The following COQ8B variants were observed in gnomAD, a reference collection of about 807,000 sequenced individuals.
The protein encoded by COQ8B is coenzyme Q8B.
Under a neutral mutation model 62.0 loss-of-function variants are expected in COQ8B, and 44 were observed. That is an observed-to-expected ratio of 0.71 (90% CI 0.56 to 0.91). The LOEUF is 0.91. Among genes scored for constraint, COQ8B ranks in the 40% least tolerant of loss-of-function variants. The pLI is 0.00. For synonymous variants in COQ8B, 252 were observed against 289.9 expected, an observed-to-expected ratio of 0.87 and a Z score of 1.33; for missense variants, 649 against 731.6, an observed-to-expected ratio of 0.89 and a Z score of 1.30.
chr19:40,704,290 T>C (rs2144700637), intron 7 of COQ8B: 1 of 160,664 alleles, frequency 6.2e-6, no homozygotes, highest in South Asian at 1.7e-4. Context: ...ACTACAGATA[T>C]GTGCCACTGT....
rs58313890 is a variant in COQ8B at position 40,697,875 on chromosome 19, G to GAGAGAGAGAGAGAGAGAGAGAGAGAGAC, written c.1144-1822_1144-1821insGTCTCTCTCTCTCTCTCTCTCTCTCTCT. ...ATAGAGAGAGAGAGAGAGAGAGAGA[G>GAGAGAGAGAGAGAGAGAGAGAGAGAGAC]AGTTTCTACTGGGCGTTCATGCAAA... On this transcript the variant is annotated intron_variant, in intron 12 of 14. Coordinates refer to ENST00000324464, the MANE Select transcript of COQ8B (RefSeq NM_024876.4). Among the ~76,000 whole-genome samples the GAGAGAGAGAGAGAGAGAGAGAGAGAGAC allele has an allele frequency of 1.9e-3, 197 of 103,238 alleles. 9 individuals carry two copies. Among genetic ancestry groups the GAGAGAGAGAGAGAGAGAGAGAGAGAGAC allele is most frequent in the African/African-American group, 2.8e-3 (66 of 23,592 alleles). 67.7% of individuals were successfully genotyped at this position (103,238 alleles called of 152,430 possible). A position where few individuals can be genotyped will look rare whatever the true frequency, so the allele number is the denominator to read the frequency against.
intron 4 of COQ8B, among the ~76,000 whole-genome samples, chr19:40,713,728 A>C (rs2144718724): frequency 6.8e-6 from 1 of 146,856 alleles, no homozygotes; most frequent in South Asian, 2.1e-4. Context: ...AGGAAAAAAA[A>C]AAAAAAATTA....
intron 1 of COQ8B, chr19:40,714,874 G>A (rs1291074811): frequency 1.6e-5 from 21 of 1,301,416 alleles, no homozygotes; most frequent in African/African-American, 3.1e-5. Flanking sequence ...GCTAGGGTCC[G>A]CCCCCGTTAC....
chr19:40,702,782 G>A (rs28703815), intron 9 of COQ8B, 89 bp from the exon 10 acceptor site: 11 of 1,232,940 alleles, frequency 8.9e-6, no homozygotes, highest in South Asian at 4.9e-5. Flanking sequence ...CCTGTCTCCC[G>A]CGCTGTCCCT....
At chr19:40,695,721 AC>A (rs2082009739) in intron 13 of COQ8B, among the ~76,000 whole-genome samples, 2 of 152,228 alleles carry the variant, frequency 1.3e-5, no homozygotes, top group South Asian at 4.1e-4. Context: ...CCCCTCCAGG[AC>A]CCAGTTACTT....
At chr19:40,705,297 G>A (rs2082092052) in intron 6 of COQ8B, 28 bp downstream of exon 6, 2 of 1,585,646 alleles carry the variant, frequency 1.3e-6, no homozygotes, top group East Asian at 2.3e-5. Context: ...GGGAGGTCAG[G>A]GGTCAGGAGT....
chr19:40,715,718 T>A, intron 1 of COQ8B: 1 of 667,334 alleles, frequency 1.5e-6, no homozygotes, highest in Non-Finnish European at 1.9e-6. Context: ...TGCGGAATGG[T>A]GCGACTGGGA....
At position 40,714,017 on chromosome 19, in the gene COQ8B, T is replaced by C. The variant is rs2082164207; in HGVS notation, c.289+50A>G. ...TCTCCCTTGCTTCAATCTGTAAATG[T>C]TGCCCTTTCTAATTGAGGTCACACC... On this transcript the variant is annotated intron_variant, in intron 4 of 14. Coordinates refer to ENST00000324464, the MANE Select transcript of COQ8B (RefSeq NM_024876.4). The C allele has an allele frequency of 3.2e-6, 5 of 1,578,178 alleles. No homozygotes were observed. The African/African-American group carries it at 4.0e-5, about 13-fold the overall frequency.
chr19:40,711,948 G>C (rs893828823), intron 4 of COQ8B, among the ~76,000 whole-genome samples: 1 of 152,128 alleles, frequency 6.6e-6, no homozygotes, highest in Non-Finnish European at 1.5e-5. Context: ...TAATCCCTGG[G>C]CAGCCTGGTG....
intron 11 of COQ8B, 46 bp downstream of exon 11, chr19:40,700,264 C>G: frequency 6.2e-7 from 1 of 1,610,672 alleles, no homozygotes; most frequent in East Asian, 2.2e-5. Context: ...CCTGGCCCAC[C>G]CGCCCTGGGG....
At chr19:40,705,502 G>A in intron 5 of COQ8B, 55 bp from the exon 6 acceptor site, 1 of 1,490,820 alleles carries the variant, frequency 6.7e-7, no homozygotes, top group Non-Finnish European at 9.0e-7. Context: ...ACTGCGGCCA[G>A]GCCCGGCGGC....
chr19:40,696,297 A>T (rs2082014649), intron 12 of COQ8B, among the ~76,000 whole-genome samples: 1 of 152,162 alleles, frequency 6.6e-6, no homozygotes, highest in Non-Finnish European at 1.5e-5. Context: ...CAGAAAAAAA[A>T]TCCAGAGAAT....
At chr19:40,706,988 C>A (rs2082105306) in intron 5 of COQ8B, among the ~76,000 whole-genome samples, 1 of 152,148 alleles carries the variant, frequency 6.6e-6, no homozygotes, top group South Asian at 2.1e-4. Context: ...AAAAAGAAAC[C>A]TGGCTGGGAG....
chr19:40,697,275 C>T (rs2144686882), intron 12 of COQ8B, among the ~76,000 whole-genome samples: 1 of 152,174 alleles, frequency 6.6e-6, no homozygotes, highest in East Asian at 1.9e-4. Context: ...CCACACCTGG[C>T]TAAGTTTGAA....
chr19:40,695,507 T>C (rs1173192590), intron 13 of COQ8B, among the ~76,000 whole-genome samples: 2 of 152,072 alleles, frequency 1.3e-5, no homozygotes, highest in Non-Finnish European at 2.9e-5. Flanking sequence ...AAACACCTCC[T>C]GTAGACAGAG....
chr19:40,715,005 G>GCC, intron 1 of COQ8B: 1 of 256,296 alleles, frequency 3.9e-6, no homozygotes, highest in Non-Finnish European at 5.7e-6. Flanking sequence ...GTGTCCCCCC[G>GCC]CCCGATCCCC....
chr19:40,699,124 G>C (rs1412363148), intron 12 of COQ8B, among the ~76,000 whole-genome samples: 2 of 150,540 alleles, frequency 1.3e-5, no homozygotes, highest in African/African-American at 4.9e-5. Flanking sequence ...TCTGGTCTCA[G>C]CTTTTTTTTT....
rs1442602830 is a variant in COQ8B, at chr19:40,691,899, C to T, written c.*136G>A. The T allele has an allele frequency of 2.4e-6, 2 of 826,550 alleles. No individual in the cohort carries two copies. The highest frequency in any genetic ancestry group is 3.4e-6 in the Non-Finnish European group (2 of 594,874). 51.2% of individuals were successfully genotyped at this position (826,550 alleles called of 1,614,324 possible). On this transcript the variant is annotated 3_prime_UTR_variant, in exon 15 of 15. Coordinates refer to ENST00000324464, the MANE Select transcript of COQ8B (RefSeq NM_024876.4). ...CCCCAGCCCCAGGGATCCTGAGCTC[C>T]TGGGCCAAGGAGGAGAGCCAGGCAA...
intron 12 of COQ8B, among the ~76,000 whole-genome samples, chr19:40,697,493 G>A (rs1370229036): frequency 6.6e-6 from 1 of 152,016 alleles, no homozygotes; most frequent in Non-Finnish European, 1.5e-5. Flanking sequence ...ACAACCCACA[G>A]TAAGAAATTG....
Sources: gnomAD v4.1 joint callset for allele counts (sites outside exome capture counted in the v4.1 genomes callset) on GRCh38, gnomAD v4.1.1 for gene constraint, MANE v1.5 for transcripts, NCBI Gene and HGNC (gene_info 2026-07-23, HGNC 2026-07-21) for gene names.